Variants in CEL observed in about 807,000 individuals in gnomAD.
CEL encodes the protein carboxyl ester lipase, also known as bile salt-activated lipase.
In CEL, 39 loss-of-function variants were observed where a neutral mutation model predicts 57.1. The ratio of observed to expected loss-of-function variants is 0.68; its 90% CI spans 0.53 to 0.89. The LOEUF (loss-of-function observed/expected upper bound fraction) is 0.89. Among genes scored for constraint, CEL ranks in the 40% least tolerant of loss-of-function variants. The pLI is 0.00. For synonymous variants in CEL, 314 were observed against 396.6 expected (o/e 0.79, Z 2.48); for missense variants, 698 against 915.0 (o/e 0.76, Z 3.06).
Position 133,066,909 on chromosome 9 carries a change from G to C in CEL, c.741G>C (p.Trp247Cys). ...AGAGCGGCGTGGCCCTGAGTCCCTGGGTCATCCAGAAAAACCCACTCTTCT... is the reference window on the plus strand; with the variant it reads ...AGAGCGGCGTGGCCCTGAGTCCCTGCGTCATCCAGAAAAACCCACTCTTCT... ...ISQSGVALSPWVIQKNPLFWA... is the reference protein window; with the variant it reads ...ISQSGVALSPCVIQKNPLFWA... The change falls in exon 6 of 11, where the codon TGG becomes TGC. Residue 247 changes from tryptophan (W) to cysteine (C), a missense_variant. Coordinates refer to ENST00000372080, the MANE Select transcript of CEL (RefSeq NM_001807.6). This position sits in a 1 kb window ranked among gnomAD's most constrained non-coding sequence, Gnocchi z 4.3. 6.2e-7 allele frequency: 1 copy of C among 1,612,808 alleles called. No individual in the cohort carries two copies. The highest frequency in any genetic ancestry group is 8.5e-7 in the Non-Finnish European group (1 of 1,179,456).
In CEL at chr9:133,067,222, G is replaced by A; in HGVS notation, c.895+17G>A. 2 of 1,610,106 alleles carry A rather than the reference G, an allele frequency of 1.2e-6. No individual in the cohort carries two copies. Among genetic ancestry groups the A allele is most frequent in the Admixed American group, 1.7e-5 (1 of 59,980 alleles). On this transcript the variant is annotated intron_variant, in intron 7 of 10. Coordinates refer to ENST00000372080, the MANE Select transcript of CEL (RefSeq NM_001807.6). ...GCCTGGAGTGTGAGTAGCTGCTCGGGTTGGCCCATGGGGTCTCGAGGTGGG... is the reference window on the plus strand; with the variant it reads ...GCCTGGAGTGTGAGTAGCTGCTCGGATTGGCCCATGGGGTCTCGAGGTGGG...
chr9:133,070,693 C>CA, intron 10 of CEL, 35 bp downstream of exon 10: 1 of 1,613,674 alleles, frequency 6.2e-7, no homozygotes, highest in Non-Finnish European at 8.5e-7. Context: ...CGGAGGGCCA[C>CA]AGCCGAGAAG....
rs1212497532 is a variant in CEL at position 133,071,711 on chromosome 9, C to A, written c.2209C>A (p.Pro737Thr). 7 of 1,607,252 alleles carry A rather than the reference C, an allele frequency of 4.4e-6. No individual in the cohort carries two copies. The South Asian group carries it at 7.7e-5, about 18-fold the overall frequency. Reference sequence around the variant, plus strand: ...GGGTGACTCTGAGGCTGCCCCTGTGCCCCCCACAGATGACTCCAAGGAAGC... The same window carrying A: ...GGGTGACTCTGAGGCTGCCCCTGTGACCCCCACAGATGACTCCAAGGAAGC... ...PTGDSEAAPV[P>T]PTDDSKEAQM... Residue 737 changes from proline (P) to threonine (T), a missense_variant, in exon 11 of 11, where the codon CCC becomes ACC. Physicochemically the swap from Pro to Thr is conservative, Grantham distance 38. Around this residue, in one of 6 missense-constraint regions of CEL, gnomAD observed 238 missense variants for 213.7 expected, o/e 1.11. Transcript: ENST00000372080.
chr9:133,063,190 G>A (rs1830118517), intron 1 of CEL, among the ~76,000 whole-genome samples: 1 of 152,228 alleles, frequency 6.6e-6, no homozygotes, highest in African/African-American at 2.4e-5. Flanking sequence ...TGACTCAAAG[G>A]AGAGGTCACC....
chr9:133,063,766 C>A (rs1350891630), intron 1 of CEL, among the ~76,000 whole-genome samples: 2 of 152,034 alleles, frequency 1.3e-5, no homozygotes, highest in African/African-American at 4.8e-5. Context: ...ATTTTCATGG[C>A]ACAGGGAAGC....
chr9:133,066,440 C>T lies in CEL; in HGVS notation c.539-90C>T. ...GCCATGGCCCCAACTCTGTTGAGGG[C>T]ATTTCCACCCCACCTATGCTGATCT... On this transcript the variant is annotated intron_variant, in intron 4 of 10. Transcript: ENST00000372080. This position sits in a 1 kb window ranked among gnomAD's most constrained non-coding sequence, Gnocchi z 4.3. 2 of 1,541,808 alleles carry T rather than the reference C, an allele frequency of 1.3e-6. No individual in the cohort carries two copies. The highest frequency in any genetic ancestry group is 1.8e-6 in the Non-Finnish European group (2 of 1,122,548).
intron 7 of CEL, among the ~76,000 whole-genome samples, chr9:133,067,436 C>T (rs1443058630): frequency 3.3e-5 from 5 of 152,030 alleles, no homozygotes; most frequent in East Asian, 1.9e-4. Flanking sequence ...TGCAGTGTCA[C>T]GATCTCAGCT....
chr9:133,069,428 T>C (rs968434587), intron 9 of CEL, among the ~76,000 whole-genome samples, 169 bp downstream of exon 9: 8 of 140,304 alleles, frequency 5.7e-5, no homozygotes, highest in Non-Finnish European at 1.2e-4. Flanking sequence ...TGGCAAGACT[T>C]GAGGGCCTCT....
At chr9:133,064,783 C>A (rs1305353292) in intron 3 of CEL, 21 bp downstream of exon 3, 7 of 1,613,630 alleles carry the variant, frequency 4.3e-6, no homozygotes, top group Non-Finnish European at 5.9e-6. Context: ...CCTCTACTCC[C>A]CAAGGGACCC....
At chr9:133,064,792 C>G (rs1225276245) in intron 3 of CEL, 30 bp downstream of exon 3, 1 of 1,613,536 alleles carries the variant, frequency 6.2e-7, no homozygotes, top group Non-Finnish European at 8.5e-7. Context: ...CCCAAGGGAC[C>G]CTCCCATGCA....
At chr9:133,069,428 T>G (rs968434587) in intron 9 of CEL, among the ~76,000 whole-genome samples, 169 bp downstream of exon 9, 1 of 140,304 alleles carries the variant, frequency 7.1e-6, no homozygotes, top group Non-Finnish European at 1.5e-5. Flanking sequence ...TGGCAAGACT[T>G]GAGGGCCTCT....
Position 133,066,318 on chromosome 9 carries a change from A to G in CEL, c.539-212A>G, listed in dbSNP as rs568624709. ...AGCCTCCTGGGGACCCACCCACTCC[A>G]GCAACCAACGTGACCTAGTCTCCTG... On this transcript the variant is annotated intron_variant, in intron 4 of 10. Transcript: ENST00000372080. This position sits in a 1 kb window ranked among gnomAD's most constrained non-coding sequence, Gnocchi z 4.3. Among the ~76,000 whole-genome samples the G allele has an allele frequency of 6.6e-6, 1 of 150,584 alleles. No homozygotes were observed. The highest frequency in any genetic ancestry group is 2.0e-4 in the East Asian group (1 of 5,118).
intron 7 of CEL, 42 bp from the exon 8 acceptor site, chr9:133,068,630 G>A: frequency 6.2e-7 from 1 of 1,613,616 alleles, no homozygotes; most frequent in Non-Finnish European, 8.5e-7. Context: ...GGGGAAACTG[G>A]GAGGTACAAG....
chr9:133,063,528 G>A (rs1361969240), intron 1 of CEL, among the ~76,000 whole-genome samples: 1 of 152,188 alleles, frequency 6.6e-6, no homozygotes, highest in African/African-American at 2.4e-5. Context: ...CTGGAACCTG[G>A]CACAGGTGAC....
In CEL at chr9:133,070,452, C is replaced by A. The variant is rs1830241498; in HGVS notation, c.1287-9C>A. The A allele has an allele frequency of 2.5e-6, 4 of 1,611,014 alleles. No individual in the cohort carries two copies. Among genetic ancestry groups the A allele is most frequent in the Non-Finnish European group, 3.4e-6 (4 of 1,178,352 alleles). On this transcript the variant is annotated splice_polypyrimidine_tract_variant and intron_variant, in intron 9 of 10. Transcript: ENST00000372080. ...CACCCTGCCTACTTGGGTGGTCTCT[C>A]CCCTCCAGGAGTGCCAAGACCTACG... is the stretch of plus-strand genomic sequence containing the variant.
intron 1 of CEL, among the ~76,000 whole-genome samples, chr9:133,063,483 G>T (rs77607486): frequency 0.025 from 3,809 of 152,178 alleles, 31 homozygotes; most frequent in East Asian, 0.058. Flanking sequence ...CCCTGGCTGG[G>T]CCTGGGGGTG....
rs150301600 is a variant in CEL at position 133,069,731 on chromosome 9, G to A, written c.1286+472G>A. 6.9e-4 allele frequency among the ~76,000 whole-genome samples: 105 copies of A among 152,274 alleles called. 1 individual carries two copies. Among genetic ancestry groups the A allele is most frequent in the African/African-American group, 2.3e-3 (94 of 41,530 alleles). ...CATGCCTGTAATCCCAGCACATTGG[G>A]AGGTCAAGGTGGGAGGATCACTTGA... On this transcript the variant is annotated intron_variant, in intron 9 of 10. Transcript: ENST00000372080.
intron 8 of CEL, 66 bp downstream of exon 8, chr9:133,068,924 G>C (rs1830223312): frequency 2.4e-6 from 2 of 842,748 alleles, no homozygotes; most frequent in South Asian, 1.6e-5. Flanking sequence ...GCACTGGCGA[G>C]GGGGCCAGCC....
chr9:133,068,605 G>T lies in CEL; in HGVS notation c.896-67G>T, dbSNP rs1799032160. ...ACATAGCCAATTCCAGCCCTGAGAG[G>T]CAAGGGGCGGCTCAGGGGAAACTGG... is the stretch of plus-strand genomic sequence containing the variant. On this transcript the variant is annotated intron_variant, in intron 7 of 10. Transcript: ENST00000372080. 8 of 1,610,138 alleles carry T rather than the reference G, an allele frequency of 5.0e-6. No individual in the cohort carries two copies. The Admixed American group carries it at 1.2e-4, about 24-fold the overall frequency.
Sources: gnomAD v4.1 joint callset for allele counts (sites outside exome capture counted in the v4.1 genomes callset) on GRCh38, gnomAD v4.1.1 for gene constraint, gnomAD v4.1.1 regional missense constraint, Gnocchi (gnomAD v3.1) non-coding constraint, MANE v1.5 for transcripts, NCBI Gene and HGNC (gene_info 2026-07-23, HGNC 2026-07-21) for gene names.